DNAJC2: variants seen among roughly 807,000 people sequenced by gnomAD.
DNAJC2 encodes the protein DnaJ heat shock protein family (Hsp40) member C2, also known as dnaJ homolog subfamily C member 2.
Under a neutral mutation model 94.0 loss-of-function variants are expected in DNAJC2, and 32 were observed. The observed-to-expected ratio is 0.34, with a 90% CI of 0.26 to 0.46. The LOEUF is 0.46. DNAJC2 is among the 20% of genes least tolerant of loss of function. The pLI, the probability that DNAJC2 is intolerant of heterozygous loss-of-function variation, is 1.00. For synonymous variants in DNAJC2, 210 were observed against 229.7 expected, an observed-to-expected ratio of 0.91 and a Z score of 0.77; for missense variants, 550 against 719.5, an observed-to-expected ratio of 0.76 and a Z score of 2.69.
rs778114813 is a variant in DNAJC2, at chr7:103,316,832, T to A, written c.1425A>T (p.Ser475=). Residue 475 remains serine (S), a splice_region_variant and synonymous_variant, in exon 13 of 17, where the codon TCA becomes TCT. Coordinates refer to ENST00000379263, the MANE Select transcript of DNAJC2 (RefSeq NM_014377.3). ...AAAAGTTTCATTAAAACCAGTACCT[T>A]GAATTTGTTCCAGCAGGGAACAGAT... is the stretch of plus-strand genomic sequence containing the variant. ...AVNLFPAGTN[S]RWEVIANYMN... 1.6e-4 allele frequency: 257 copies of A among 1,613,030 alleles called. 1 individual carries two copies. Among genetic ancestry groups the A allele is most frequent in the Middle Eastern group, 6.6e-4 (4 of 6,084 alleles).
Position 103,319,660 on chromosome 7 carries a change from T to A in DNAJC2, c.1191A>T (p.Glu397Asp), listed in dbSNP as rs369916864. 1.2e-6 allele frequency: 2 copies of A among 1,613,990 alleles called. No homozygotes were observed. Among genetic ancestry groups the A allele is most frequent in the African/African-American group, 2.7e-5 (2 of 74,904 alleles). Residue 397 changes from glutamate to aspartate, a missense_variant, in exon 12 of 17, where the codon GAA becomes GAT. Physicochemically the swap from Glu to Asp is conservative, Grantham distance 45. Transcript: ENST00000379263. ...LELASLQCLN[E>D]TLTSCTKEVG... The stretch of plus-strand genomic sequence containing the variant: ...CTTCTTTTGTGCATGATGTGAGTGT[T>A]TCATTCAAGCACTGTAAGCTAAAGA...
rs1817798429 is a variant in DNAJC2, at chr7:103,312,460, T to C, written c.*109A>G. ...TCAGTCTTTGTTCTCTGAGAAATTA[T>C]GTTGGAAGCAGCATACTTTCAAATT... On this transcript the variant is annotated 3_prime_UTR_variant, in exon 17 of 17. Transcript: ENST00000379263. The C allele has an allele frequency of 3.3e-6, 5 of 1,534,036 alleles. No homozygotes were observed. The highest frequency in any genetic ancestry group is 4.4e-6 in the Non-Finnish European group (5 of 1,148,852).
intron 15 of DNAJC2, chr7:103,314,098 ACCTAAGGTG>A: frequency 2.0e-5 from 20 of 985,404 alleles, no homozygotes; most frequent in Non-Finnish European, 2.4e-5. Context: ...ATTTGATGGT[ACCTAAGGTG>A]CCTAAGAAGC....
At chr7:103,313,955 A>T in intron 15 of DNAJC2, 1 of 985,442 alleles carries the variant, frequency 1.0e-6, no homozygotes, top group Non-Finnish European at 1.2e-6. Flanking sequence ...CTACTACTAG[A>T]AACTGCGGCC....
intron 1 of DNAJC2, 27 bp downstream of exon 1, chr7:103,344,525 GGTGAGAA>G: frequency 6.2e-7 from 1 of 1,612,234 alleles, no homozygotes; most frequent in Non-Finnish European, 8.5e-7. Context: ...GGGCAGCTGA[GGTGAGAA>G]GGAACCGAGG....
At chr7:103,344,306 A>AGCATT in intron 1 of DNAJC2, 1 of 576,576 alleles carries the variant, frequency 1.7e-6, no homozygotes, top group Non-Finnish European at 3.1e-6. Flanking sequence ...GCTCAGCCCA[A>AGCATT]TCCATGAGTC....
intron 2 of DNAJC2, 96 bp downstream of exon 2, chr7:103,341,667 AT>A (rs1819378544): frequency 9.7e-7 from 1 of 1,027,372 alleles, no homozygotes; most frequent in Non-Finnish European, 1.4e-6. Flanking sequence ...ATCTTGCTGA[AT>A]CATCTTAAAA....
intron 2 of DNAJC2, among the ~76,000 whole-genome samples, chr7:103,339,901 T>G (rs1432494949): frequency 6.6e-6 from 1 of 152,214 alleles, no homozygotes; most frequent in East Asian, 1.9e-4. Flanking sequence ...TGCAATTGTA[T>G]GATCTCGGCT....
intron 3 of DNAJC2, among the ~76,000 whole-genome samples, chr7:103,330,352 A>G (rs1241768570): frequency 6.6e-6 from 1 of 151,960 alleles, no homozygotes; most frequent in Non-Finnish European, 1.5e-5. Flanking sequence ...GTGGCACCCA[A>G]TCTCAGCTCA....
At chr7:103,330,159 T>C (rs958492972) in intron 3 of DNAJC2, among the ~76,000 whole-genome samples, 6 of 152,264 alleles carry the variant, frequency 3.9e-5, no homozygotes, top group African/African-American at 1.2e-4. Context: ...GGAAATCACA[T>C]GGATTTAATA....
At chr7:103,323,538 C>T in intron 7 of DNAJC2, 60 bp downstream of exon 7, 2 of 1,368,090 alleles carry the variant, frequency 1.5e-6, no homozygotes, top group Non-Finnish European at 1.9e-6. Context: ...ATTTTTACAT[C>T]ATCACAAATA....
In DNAJC2 at chr7:103,322,067, T is replaced by C; in HGVS notation, c.948A>G (p.Glu316=). 1 of 1,610,148 alleles carries C rather than the reference T, an allele frequency of 6.2e-7. No homozygotes were observed. Among genetic ancestry groups the C allele is most frequent in the South Asian group, 1.1e-5 (1 of 90,130 alleles). The change falls in exon 10 of 17, where the codon GAA becomes GAG. Residue 316 remains glutamate (E), a synonymous_variant. Coordinates refer to ENST00000379263, the MANE Select transcript of DNAJC2 (RefSeq NM_014377.3). ...CCTTAGCTAACCGAGCAGCTTCTAATTCAGCTTGTCTTTGCTTTAAAAAAA... is the reference window on the plus strand; with the variant it reads ...CCTTAGCTAACCGAGCAGCTTCTAACTCAGCTTGTCTTTGCTTTAAAAAAA... The part of the protein sequence containing the change: ...QEAKEKQRQA[E]LEAARLAKEK...
At chr7:103,334,093 G>A (rs1819074898) in intron 3 of DNAJC2, among the ~76,000 whole-genome samples, 1 of 151,984 alleles carries the variant, frequency 6.6e-6, no homozygotes, top group Admixed American at 6.6e-5. Flanking sequence ...TGCGACTACA[G>A]GTACCCGCCA....
intron 15 of DNAJC2, chr7:103,314,226 G>A (rs1817919958): frequency 3.0e-6 from 3 of 985,174 alleles, no homozygotes; most frequent in Non-Finnish European, 3.6e-6. Context: ...GAAAAAAGAT[G>A]GAAGTGACAT....
intron 11 of DNAJC2, 34 bp downstream of exon 11, chr7:103,319,722 A>G: frequency 6.2e-7 from 1 of 1,614,152 alleles, no homozygotes; most frequent in South Asian, 1.1e-5. Flanking sequence ...CCTAAGCTCA[A>G]GTGAAGACTT....
rs192926346 is a variant in DNAJC2, at chr7:103,326,230, G to A, written c.572+313C>T. Among the ~76,000 whole-genome samples, 726 of 152,196 alleles carry A rather than the reference G, an allele frequency of 4.8e-3. 2 individuals carry two copies. Among genetic ancestry groups the A allele is most frequent in the Admixed American group, 8.2e-3 (126 of 15,282 alleles). On this transcript the variant is annotated intron_variant, in intron 5 of 16. Coordinates refer to ENST00000379263, the MANE Select transcript of DNAJC2 (RefSeq NM_014377.3). ...TGACCTCAGGTGATCCGTCCACCTC[G>A]GCCTTCCAAAGTGCTGGGATTACAG... is the stretch of plus-strand genomic sequence containing the variant.
intron 3 of DNAJC2, among the ~76,000 whole-genome samples, chr7:103,328,023 C>T (rs1470204569): frequency 6.6e-6 from 1 of 152,006 alleles, no homozygotes; most frequent in Non-Finnish European, 1.5e-5. Flanking sequence ...CGGGTTCAAG[C>T]GATTCTCCTG....
Position 103,322,529 on chromosome 7 carries a change from C to T in DNAJC2, c.915G>A (p.Glu305=). The change falls in exon 9 of 17, where the codon GAG becomes GAA. Residue 305 remains glutamate, a synonymous_variant. Transcript: ENST00000379263. ...GTCTTACTTTTTCTTTAGCTTCTTG[C>T]TCCTTCCGTTTAGCTTCTGCTTTTG... ...KKAKAEAKRK[E]QEAKEKQRQA... 2 of 1,515,696 alleles carry T rather than the reference C, an allele frequency of 1.3e-6. No homozygotes were observed. The highest frequency in any genetic ancestry group is 1.4e-5 in the African/African-American group (1 of 72,580). 93.9% of individuals were successfully genotyped at this position (1,515,696 alleles called of 1,614,324 possible). A position where few individuals can be genotyped will look rare whatever the true frequency, so the allele number is the denominator to read the frequency against.
Position 103,344,701 on chromosome 7 carries a change from C to G in DNAJC2, c.-79G>C. 1 of 1,459,146 alleles carries G rather than the reference C, an allele frequency of 6.9e-7. No individual in the cohort carries two copies. Among genetic ancestry groups the G allele is most frequent in the Non-Finnish European group, 9.5e-7 (1 of 1,056,392 alleles). The allele number at this position is 1,459,146 out of a possible 1,614,324, so 90.4% of individuals were successfully genotyped here. On this transcript the variant is annotated 5_prime_UTR_variant, in exon 1 of 17. Coordinates refer to ENST00000379263, the MANE Select transcript of DNAJC2 (RefSeq NM_014377.3). Reference sequence around the variant, plus strand: ...GCGCTTAGGGTCCCCTCCAGCTCTACCTCTCACTCCGAGCCTCGCGCCTTG... The same window carrying G: ...GCGCTTAGGGTCCCCTCCAGCTCTAGCTCTCACTCCGAGCCTCGCGCCTTG...
Sources: allele counts gnomAD v4.1 joint callset (sites outside exome capture counted in the v4.1 genomes callset), GRCh38; gene constraint gnomAD v4.1.1; transcripts MANE v1.5; gene names NCBI Gene and HGNC (gene_info 2026-07-23, HGNC 2026-07-21).